The following ASTN2 variants were observed in gnomAD, a reference collection of about 807,000 sequenced individuals.
The protein encoded by ASTN2 is astrotactin-2.
Under a neutral mutation model 139.8 loss-of-function variants are expected in ASTN2, and 54 were observed. That is an observed-to-expected ratio of 0.39 (90% CI 0.31 to 0.48). The LOEUF is 0.48. ASTN2 is among the 20% of genes least tolerant of loss of function. The pLI, the probability that ASTN2 is intolerant of heterozygous loss-of-function variation, is 0.95. For synonymous variants in ASTN2, 756 were observed against 719.5 expected (o/e 1.05, Z -0.81); for missense variants, 1,565 against 1,725.1 (o/e 0.91, Z 1.64).
chr9:116,478,959 T>G (rs1394356946), intron 20 of ASTN2, among the ~76,000 whole-genome samples: 1 of 117,852 alleles, frequency 8.5e-6, no homozygotes, highest in African/African-American at 3.4e-5. Context: ...ACTACTGCAC[T>G]CCAGTCTGGG....
chr9:116,698,807 C>T lies in ASTN2; in HGVS notation c.2806+26964G>A, dbSNP rs772461592. The T allele has an allele frequency of 1.2e-6, 2 of 1,614,060 alleles. No homozygotes were observed. The highest frequency in any genetic ancestry group is 2.7e-5 in the African/African-American group (2 of 74,904). ...AGGCAGCCTCCAATATCCAGCAGTG[C>T]CTCTTTCTCAAGAAGATGGGGGCCA... On this transcript the variant is annotated intron_variant, in intron 16 of 22. Coordinates refer to ENST00000313400, the MANE Select transcript of ASTN2 (RefSeq NM_001365068.1). The surrounding 1 kb of genome is among the most constrained non-coding windows in gnomAD (Gnocchi z 4.4).
chr9:117,204,422 T>C (rs954475542), intron 3 of ASTN2, among the ~76,000 whole-genome samples: 7 of 152,066 alleles, frequency 4.6e-5, no homozygotes, highest in Non-Finnish European at 1.0e-4. Flanking sequence ...ATTTTCAGAG[T>C]GCCTACTATG....
intron 13 of ASTN2, among the ~76,000 whole-genome samples, chr9:116,764,829 G>C (rs1159128352): frequency 6.6e-6 from 1 of 152,102 alleles, no homozygotes; most frequent in Non-Finnish European, 1.5e-5. Flanking sequence ...AACTGTTCTT[G>C]TTATTTTAAT....
chr9:117,359,070 G>A (rs969594746), intron 1 of ASTN2, among the ~76,000 whole-genome samples: 3 of 152,132 alleles, frequency 2.0e-5, no homozygotes, highest in Non-Finnish European at 2.9e-5. Context: ...TTTTCTCTGT[G>A]CAAAACAATG....
intron 19 of ASTN2, among the ~76,000 whole-genome samples, chr9:116,602,218 C>T (rs1854937686): frequency 6.6e-6 from 1 of 151,974 alleles, no homozygotes; most frequent in Non-Finnish European, 1.5e-5. Flanking sequence ...GGGGAGTAAG[C>T]TGAGGAATGA....
At chr9:117,134,557 C>T (rs542806878) in intron 4 of ASTN2, among the ~76,000 whole-genome samples, 39 of 151,996 alleles carry the variant, frequency 2.6e-4, no homozygotes, top group African/African-American at 8.7e-4. Flanking sequence ...ATCACATTTT[C>T]CCCCAGATAT....
intron 1 of ASTN2, among the ~76,000 whole-genome samples, chr9:117,342,448 C>T (rs1829091332): frequency 6.6e-6 from 1 of 152,208 alleles, no homozygotes; most frequent in African/African-American, 2.4e-5. Context: ...TAATGAGCAG[C>T]AGTGAATCGG....
chr9:116,908,068 C>A (rs1023196865), intron 10 of ASTN2, among the ~76,000 whole-genome samples: 2 of 152,114 alleles, frequency 1.3e-5, no homozygotes, highest in Non-Finnish European at 1.5e-5. Context: ...AAACCTGAAG[C>A]ATAAAGGCTT....
chr9:116,463,445 C>T (rs1356973672), intron 20 of ASTN2, among the ~76,000 whole-genome samples: 3 of 152,204 alleles, frequency 2.0e-5, no homozygotes, highest in Non-Finnish European at 2.9e-5. Flanking sequence ...AACTTCTCAG[C>T]CTTCATTATA....
intron 19 of ASTN2, among the ~76,000 whole-genome samples, chr9:116,528,535 A>C (rs2119272441): frequency 6.6e-6 from 1 of 152,324 alleles, no homozygotes; most frequent in African/African-American, 2.4e-5. Context: ...GAAAAGAAAA[A>C]CCCATTTTTT....
At chr9:117,266,925 CT>C (rs1340443480) in intron 2 of ASTN2, among the ~76,000 whole-genome samples, 1 of 152,110 alleles carries the variant, frequency 6.6e-6, no homozygotes, top group African/African-American at 2.4e-5. Context: ...CTTAATCCCC[CT>C]CTTCTTGAGC....
chr9:116,493,951 G>A (rs368766132), intron 19 of ASTN2, among the ~76,000 whole-genome samples: 2 of 152,124 alleles, frequency 1.3e-5, no homozygotes, highest in South Asian at 4.1e-4. Flanking sequence ...CTTTGTCATG[G>A]TGCCCAGGGA....
At chr9:116,763,675 C>T (rs1829733495) in intron 13 of ASTN2, among the ~76,000 whole-genome samples, 1 of 152,146 alleles carries the variant, frequency 6.6e-6, no homozygotes, top group South Asian at 2.1e-4. Flanking sequence ...GGTCTTTTAC[C>T]TCTCTGAGTT....
intron 3 of ASTN2, among the ~76,000 whole-genome samples, chr9:117,184,166 C>A (rs1449581089): frequency 6.6e-6 from 1 of 152,198 alleles, no homozygotes; most frequent in Non-Finnish European, 1.5e-5. Context: ...AGGCAACAGA[C>A]ACGCTGAAGG....
At chr9:117,012,565 CA>C (rs879672485) in intron 6 of ASTN2, among the ~76,000 whole-genome samples, 5 of 152,134 alleles carry the variant, frequency 3.3e-5, no homozygotes, top group Non-Finnish European at 4.4e-5. Flanking sequence ...ATCTTTAATA[CA>C]ACCTACAGTG....
chr9:117,241,756 A>C (rs996057567), intron 2 of ASTN2, among the ~76,000 whole-genome samples: 2 of 152,068 alleles, frequency 1.3e-5, no homozygotes. Flanking sequence ...CACTTCTGTA[A>C]AGCACATAAA....
At chr9:116,749,978 T>A (rs1489153061) in intron 13 of ASTN2, among the ~76,000 whole-genome samples, 1 of 152,170 alleles carries the variant, frequency 6.6e-6, no homozygotes, top group Non-Finnish European at 1.5e-5. Context: ...ATGAGCTAAT[T>A]ATTCCTCCTT....
intron 5 of ASTN2, among the ~76,000 whole-genome samples, chr9:117,048,089 G>C (rs1413668894): frequency 6.6e-6 from 1 of 152,082 alleles, no homozygotes; most frequent in African/African-American, 2.4e-5. Flanking sequence ...TTGATGTCAG[G>C]GTCCAAGCTC....
intron 20 of ASTN2, among the ~76,000 whole-genome samples, chr9:116,443,593 G>A (rs544482636): frequency 1.9e-4 from 29 of 152,120 alleles, no homozygotes; most frequent in African/African-American, 6.5e-4. Flanking sequence ...GTCCTATCTC[G>A]GGGAAGCTCT....
Sources: gnomAD v4.1 joint callset for allele counts (sites outside exome capture counted in the v4.1 genomes callset) on GRCh38, gnomAD v4.1.1 for gene constraint, Gnocchi (gnomAD v3.1) non-coding constraint, MANE v1.5 for transcripts, NCBI Gene and HGNC (gene_info 2026-07-23, HGNC 2026-07-21) for gene names.